Variants in TXNL4A observed in about 807,000 individuals in gnomAD.
TXNL4A encodes the protein thioredoxin like 4A.
Under a neutral mutation model 14.6 loss-of-function variants are expected in TXNL4A, and 17 were observed. That is an observed-to-expected ratio of 1.16 (90% CI 0.80 to 1.74). TXNL4A has a LOEUF of 1.74. Ranked by LOEUF, TXNL4A falls within the 40% of genes most tolerant of loss-of-function variation. The pLI, the probability that TXNL4A is intolerant of heterozygous loss-of-function variation, is 0.00. For synonymous variants in TXNL4A, 83 were observed against 70.6 expected (o/e 1.18, Z -0.88); for missense variants, 74 against 195.2 (o/e 0.38, Z 3.70).
intron 1 of TXNL4A, among the ~76,000 whole-genome samples, chr18:80,012,251 T>C (rs939033690): frequency 1.3e-5 from 2 of 152,190 alleles, no homozygotes; most frequent in African/African-American, 4.8e-5. Context: ...TTTTCTAATA[T>C]AGGATTCTTG....
upstream of TXNL4A, chr18:79,988,662 T>A: frequency 3.5e-6 from 1 of 283,522 alleles, no homozygotes; most frequent in Non-Finnish European, 6.5e-6. Flanking sequence ...CGCGAACGTG[T>A]AGTTGGCCGG....
At chr18:79,979,453 G>C (rs1211652789) in intron 1 of TXNL4A, 1 of 152,240 alleles carries the variant, frequency 6.6e-6, no homozygotes, top group Non-Finnish European at 1.5e-5. Context: ...CTCATCAATG[G>C]TTGAGCGTCA....
intron 1 of TXNL4A, among the ~76,000 whole-genome samples, chr18:80,030,040 C>A (rs2051911123): frequency 6.6e-6 from 1 of 152,212 alleles, no homozygotes; most frequent in Non-Finnish European, 1.5e-5. Flanking sequence ...ATTGACTAAT[C>A]TATGTCCCAT....
rs2051397809 is a variant in TXNL4A at position 79,977,578 on chromosome 18, A to G, written c.257+20T>C. ...AAACTGACAATATTCAATTTCAGTAACAACTTTAAGATAACGTACCTGAAG... is the reference window on the plus strand; with the variant it reads ...AAACTGACAATATTCAATTTCAGTAGCAACTTTAAGATAACGTACCTGAAG... On this transcript the variant is annotated intron_variant, in intron 2 of 2. Coordinates refer to ENST00000269601, the MANE Select transcript of TXNL4A (RefSeq NM_006701.5). 6.5e-7 allele frequency: 1 copy of G among 1,532,000 alleles called. No homozygotes were observed. Among genetic ancestry groups the G allele is most frequent in the East Asian group, 2.2e-5 (1 of 44,460 alleles). The allele number at this position is 1,532,000 out of a possible 1,614,324, so 94.9% of individuals were successfully genotyped here. A position where few individuals can be genotyped will look rare whatever the true frequency, so the allele number is the denominator to read the frequency against.
At chr18:80,019,753 T>C (rs1247088249) in intron 1 of TXNL4A, among the ~76,000 whole-genome samples, 1 of 152,246 alleles carries the variant, frequency 6.6e-6, no homozygotes, top group East Asian at 1.9e-4. Flanking sequence ...TTCCCAAGTA[T>C]GGTTCTTTTC....
chr18:79,988,918 C>T (rs2051601996), upstream of TXNL4A, among the ~76,000 whole-genome samples: 1 of 152,242 alleles, frequency 6.6e-6, no homozygotes, highest in Admixed American at 6.5e-5. Context: ...TTCTTCCTTT[C>T]TGGTGCTTGT....
chr18:80,031,510 G>C (rs72972243), intron 1 of TXNL4A, among the ~76,000 whole-genome samples: 2,247 of 152,240 alleles, frequency 0.015, 23 homozygotes, highest in Non-Finnish European at 0.022. Context: ...CAATCTCGTT[G>C]GACACGTTCA....
intron 1 of TXNL4A, among the ~76,000 whole-genome samples, chr18:79,979,915 ATG>A (rs765272277): frequency 9.2e-5 from 14 of 152,230 alleles, no homozygotes; most frequent in Non-Finnish European, 1.6e-4. Flanking sequence ...AGCCACTTAC[ATG>A]TGTTATGAGT....
chr18:79,989,889 G>C (rs2051613971), upstream of TXNL4A, among the ~76,000 whole-genome samples: 3 of 152,184 alleles, frequency 2.0e-5, no homozygotes, highest in Admixed American at 1.3e-4. Flanking sequence ...CCAGCTACTA[G>C]GGAGGCTGAG....
At chr18:79,979,451 T>C (rs1264237674) in intron 1 of TXNL4A, 1 of 152,248 alleles carries the variant, frequency 6.6e-6, no homozygotes, top group Non-Finnish European at 1.5e-5. Context: ...TTCTCATCAA[T>C]GGTTGAGCGT....
At chr18:79,991,140 A>C (rs555851252), upstream of TXNL4A, among the ~76,000 whole-genome samples, 1 of 150,648 alleles carries the variant, frequency 6.6e-6, no homozygotes, top group Non-Finnish European at 1.5e-5. Flanking sequence ...TTTTGTTGAG[A>C]TCTAATCCAT....
chr18:79,995,202 C>CT (rs2051652973), intron 1 of TXNL4A: 1 of 152,202 alleles, frequency 6.6e-6, no homozygotes, highest in African/African-American at 2.4e-5. Flanking sequence ...TCATTCAGAC[C>CT]TTTATCAGCT....
rs930044096 is a variant in TXNL4A at position 79,985,173 on chromosome 18, G to A, written c.153+3067C>T. On this transcript the variant is annotated intron_variant, in intron 1 of 2. Transcript: ENST00000269601. ...TCAAAGGTCCATGAAATTGTCTCCTGTGACAGTGTTCCTACAAAATGGAAA... is the reference window on the plus strand; with the variant it reads ...TCAAAGGTCCATGAAATTGTCTCCTATGACAGTGTTCCTACAAAATGGAAA... 4.6e-5 allele frequency among the ~76,000 whole-genome samples: 7 copies of A among 152,318 alleles called. No individual in the cohort carries two copies. The East Asian group carries it at 9.7e-4, about 21-fold the overall frequency.
intron 1 of TXNL4A, among the ~76,000 whole-genome samples, chr18:80,032,183 C>A (rs1252166768): frequency 1.3e-5 from 2 of 152,062 alleles, no homozygotes; most frequent in East Asian, 3.9e-4. Context: ...GGGACATGAT[C>A]TCCTAGGAAT....
chr18:80,024,036 G>T (rs2051867525), intron 1 of TXNL4A, among the ~76,000 whole-genome samples: 1 of 152,156 alleles, frequency 6.6e-6, no homozygotes, highest in African/African-American at 2.4e-5. Context: ...CCTGGCCTGG[G>T]GCAGTTTGCC....
At chr18:80,001,338 T>C (rs538075397) in intron 1 of TXNL4A, among the ~76,000 whole-genome samples, 3 of 152,202 alleles carry the variant, frequency 2.0e-5, no homozygotes, top group Non-Finnish European at 4.4e-5. Flanking sequence ...GGGGCCCTCA[T>C]GGAGAACCTC....
chr18:79,998,752 G>A (rs1041888088), intron 1 of TXNL4A, among the ~76,000 whole-genome samples: 12 of 149,194 alleles, frequency 8.0e-5, no homozygotes, highest in African/African-American at 2.5e-4. Context: ...TCTGTCAACC[G>A]GTCAGCCTCT....
intron 1 of TXNL4A, among the ~76,000 whole-genome samples, chr18:80,019,851 T>C (rs1242151293): frequency 3.3e-5 from 5 of 152,220 alleles, no homozygotes; most frequent in African/African-American, 4.8e-5. Flanking sequence ...GGGTGTGTGT[T>C]TTTTTGCGTA....
At chr18:80,028,953 G>C (rs1255846662) in intron 1 of TXNL4A, among the ~76,000 whole-genome samples, 2 of 152,138 alleles carry the variant, frequency 1.3e-5, no homozygotes, top group African/African-American at 2.4e-5. Context: ...TAACCAATTG[G>C]CTGATGCCAC....
Sources: gnomAD v4.1 joint callset for allele counts (sites outside exome capture counted in the v4.1 genomes callset) on GRCh38, gnomAD v4.1.1 for gene constraint, MANE v1.5 for transcripts, NCBI Gene and HGNC (gene_info 2026-07-23, HGNC 2026-07-21) for gene names.